Variants in KANK2 observed in about 807,000 individuals in gnomAD.
KANK2 encodes the protein KN motif and ankyrin repeat domain-containing protein 2.
KANK2 carries 41 observed loss-of-function variants against 74.6 expected under a neutral mutation model. The observed-to-expected ratio is 0.55, with a 90% CI of 0.43 to 0.71. The LOEUF is 0.71. KANK2 is among the 30% of genes least tolerant of loss of function. The pLI is 0.00. For synonymous variants in KANK2, 537 were observed against 519.0 expected, an observed-to-expected ratio of 1.03 and a Z score of -0.47; for missense variants, 1,148 against 1,196.4, an observed-to-expected ratio of 0.96 and a Z score of 0.60.
chr19:11,167,988 C>A (rs576941683), intron 12 of KANK2, among the ~76,000 whole-genome samples: 1 of 150,462 alleles, frequency 6.6e-6, no homozygotes, highest in African/African-American at 2.4e-5. Flanking sequence ...CCCCATCACT[C>A]GCCATCCCAC....
chr19:11,197,030 C>CA (rs1042561320), intron 1 of KANK2: 4 of 152,244 alleles, frequency 2.6e-5, no homozygotes, highest in African/African-American at 9.7e-5. Context: ...CCGGCCCAGC[C>CA]GCCAAGCCCA....
chr19:11,173,880 T>C (rs575101217), intron 9 of KANK2, among the ~76,000 whole-genome samples: 2 of 152,170 alleles, frequency 1.3e-5, no homozygotes, highest in Admixed American at 6.6e-5. Context: ...GAAGACAGCG[T>C]CTCCTCTATC....
In KANK2 at chr19:11,170,474, G is replaced by A. The variant is rs908297983; in HGVS notation, c.2212-226C>T. The A allele has an allele frequency of 6.7e-5, 39 of 583,150 alleles. No individual in the cohort carries two copies. The highest frequency in any genetic ancestry group is 9.1e-5 in the Admixed American group (3 of 32,882). 36.1% of individuals were successfully genotyped at this position (583,150 alleles called of 1,614,324 possible). A position where few individuals can be genotyped will look rare whatever the true frequency, so the allele number is the denominator to read the frequency against. ...GCCAGAGGCTGGGAGAAGCGGGGGC[G>A]GAGGAAATGATGGATACAGGTTTCC... On this transcript the variant is annotated intron_variant, in intron 10 of 12. Coordinates refer to ENST00000586659, the MANE Select transcript of KANK2 (RefSeq NM_001136191.3). This position sits in a 1 kb window ranked among gnomAD's most constrained non-coding sequence, Gnocchi z 5.2.
chr19:11,173,484 C>T (rs2078237160), intron 9 of KANK2, among the ~76,000 whole-genome samples: 3 of 152,140 alleles, frequency 2.0e-5, no homozygotes, highest in South Asian at 4.1e-4. Context: ...GGCTGTCTCC[C>T]CCAGTAGGAG....
At position 11,178,681 on chromosome 19, in the gene KANK2, G is replaced by C. The variant is rs372713779; in HGVS notation, c.1289C>G (p.Pro430Arg). 2.6e-6 allele frequency: 4 copies of C among 1,542,880 alleles called. No homozygotes were observed. In the African/African-American group the frequency reaches 5.7e-5, roughly 22 times the overall value. The stretch of plus-strand genomic sequence containing the variant: ...TGTAAGGGAGGCTACCTCGGACCCC[G>C]GGGGTGACGAAGACGATTCGGCAGG... ...EVPAESSSSP[P>R]GSEVASLTQP... Residue 430 changes from proline to arginine, a missense_variant, in exon 5 of 13, where the codon CCG (proline) becomes CGG (arginine). Physicochemically the swap from Pro to Arg is moderately radical, Grantham distance 103. Coordinates refer to ENST00000586659, the MANE Select transcript of KANK2 (RefSeq NM_001136191.3).
At position 11,190,817 on chromosome 19, in the gene KANK2, G is replaced by C. The variant is rs201673715; in HGVS notation, c.1249+2014C>G. Among the ~76,000 whole-genome samples the C allele has an allele frequency of 5.1e-4, 77 of 152,116 alleles. 1 individual carries two copies. In the East Asian group the frequency reaches 0.012, roughly 23 times the overall value. On this transcript the variant is annotated intron_variant, in intron 4 of 12. Transcript: ENST00000586659. ...ACAATCTCAGCTCACTGCAACCTCCGGCTCCCAAGTTCAAGCGATTCTTGT... is the reference window on the plus strand; with the variant it reads ...ACAATCTCAGCTCACTGCAACCTCCCGCTCCCAAGTTCAAGCGATTCTTGT...
chr19:11,174,104 C>T (rs966627403), intron 9 of KANK2, among the ~76,000 whole-genome samples: 4 of 149,942 alleles, frequency 2.7e-5, no homozygotes, highest in Middle Eastern at 3.3e-3. Flanking sequence ...AGGAGGGCCA[C>T]ATCCCCACCA....
intron 4 of KANK2, among the ~76,000 whole-genome samples, chr19:11,187,673 G>T (rs192851081): frequency 6.6e-6 from 1 of 152,198 alleles, no homozygotes; most frequent in Non-Finnish European, 1.5e-5. Flanking sequence ...AGCCACGTTC[G>T]TTCATTTCCA....
Position 11,194,586 on chromosome 19 carries a change from CT to C in KANK2, c.-76del. 1.6e-6 allele frequency: 2 copies of C among 1,245,976 alleles called. No individual in the cohort carries two copies. The allele number at this position is 1,245,976 out of a possible 1,614,324, so 77.2% of individuals were successfully genotyped here. ...AGACTGCCTGCAGCACCGGCTGAGG[CT>C]TACCTGGGGAAAGAGAACCACGGCG... On this transcript the variant is annotated 5_prime_UTR_variant, in exon 3 of 13. Transcript: ENST00000586659.
chr19:11,185,179 G>C (rs1338937899), intron 4 of KANK2, among the ~76,000 whole-genome samples: 3 of 147,876 alleles, frequency 2.0e-5, no homozygotes, highest in Admixed American at 6.9e-5. Context: ...CAGCACTTTG[G>C]GGGGCCGAGG....
In KANK2 at chr19:11,193,885, C is replaced by T; in HGVS notation, c.195G>A (p.Gln65=). 1.2e-6 allele frequency: 2 copies of T among 1,613,596 alleles called. No individual in the cohort carries two copies. The highest frequency in any genetic ancestry group is 1.7e-6 in the Non-Finnish European group (2 of 1,179,930). ...KGHTLRRVAV[Q]RRPRLSSLPR... ...GCAGCGAGCTCAGGCGGGGGCGGCG[C>T]TGCACTGCCACGCGTCGCAGCGTGT... Residue 65 remains glutamine, a synonymous_variant, in exon 4 of 13, where the codon CAG becomes CAA. Transcript: ENST00000586659. The surrounding 1 kb of genome is among the most constrained non-coding windows in gnomAD (Gnocchi z 9.6).
At chr19:11,176,468 G>C in intron 7 of KANK2, 110 bp downstream of exon 7, 1 of 1,224,664 alleles carries the variant, frequency 8.2e-7, no homozygotes, top group Non-Finnish European at 1.1e-6. Flanking sequence ...TCAGACTAAA[G>C]TGTGCATGAC....
chr19:11,178,188 C>A (rs919153478), intron 6 of KANK2, among the ~76,000 whole-genome samples, 157 bp downstream of exon 6: 20 of 152,168 alleles, frequency 1.3e-4, no homozygotes, highest in Non-Finnish European at 1.2e-4. Context: ...GCTTAGCCTT[C>A]CTATGCCTCA....
rs1289296177 is a variant in KANK2 at position 11,166,020 on chromosome 19, A to G, written c.*538T>C. On this transcript the variant is annotated 3_prime_UTR_variant, in exon 13 of 13. Coordinates refer to ENST00000586659, the MANE Select transcript of KANK2 (RefSeq NM_001136191.3). Reference sequence around the variant, plus strand: ...GAAAATTCCCCTAAGAAAGCCGTCTAGCGGGGCAGTGGACACAACACTATT... The same window carrying G: ...GAAAATTCCCCTAAGAAAGCCGTCTGGCGGGGCAGTGGACACAACACTATT... The G allele has an allele frequency of 2.6e-5, 4 of 152,774 alleles. No individual in the cohort carries two copies. The highest frequency in any genetic ancestry group is 4.4e-5 in the Non-Finnish European group (3 of 68,224). 9.5% of individuals were successfully genotyped at this position (152,774 alleles called of 1,614,324 possible).
Position 11,174,563 on chromosome 19 carries a change from C to T in KANK2, c.1978G>A (p.Val660Ile). 1 of 1,613,592 alleles carries T rather than the reference C, an allele frequency of 6.2e-7. No homozygotes were observed. Among genetic ancestry groups the T allele is most frequent in the Non-Finnish European group, 8.5e-7 (1 of 1,179,882 alleles). The change falls in exon 9 of 13, where the codon GTC becomes ATC. Residue 660 changes from valine (V) to isoleucine (I), a missense_variant. Coordinates refer to ENST00000586659, the MANE Select transcript of KANK2 (RefSeq NM_001136191.3). The part of the protein sequence containing the change: ...AMSARLLDYV[V>I]NIADSNGNTA... ...TTGCCGTTGCTGTCGGCGATGTTGA[C>T]CACGTAGTCCAGCAGCCGCGCAGAC...
chr19:11,194,203 C>T (rs1432412664), intron 3 of KANK2, among the ~76,000 whole-genome samples, 161 bp from the exon 4 acceptor site: 1 of 152,090 alleles, frequency 6.6e-6, no homozygotes, highest in East Asian at 1.9e-4. Flanking sequence ...CAGGGCTATG[C>T]CTCCCCTTCA....
chr19:11,166,916 G>A (rs2078038749), intron 12 of KANK2, among the ~76,000 whole-genome samples: 1 of 152,164 alleles, frequency 6.6e-6, no homozygotes, highest in Non-Finnish European at 1.5e-5. Context: ...AGCATTCCAG[G>A]CAGCGGAAAC....
At chr19:11,180,147 A>G (rs1227657071) in intron 4 of KANK2, among the ~76,000 whole-genome samples, 2 of 152,202 alleles carry the variant, frequency 1.3e-5, no homozygotes, top group Non-Finnish European at 2.9e-5. Flanking sequence ...AGCACCGCCC[A>G]GCCCATGCAT....
At chr19:11,187,693 C>G (rs111279811) in intron 4 of KANK2, among the ~76,000 whole-genome samples, 1 of 152,188 alleles carries the variant, frequency 6.6e-6, no homozygotes, top group Non-Finnish European at 1.5e-5. Context: ...ATATTGTCTA[C>G]GGCTGCTTTT....
Sources: allele counts gnomAD v4.1 joint callset (sites outside exome capture counted in the v4.1 genomes callset), GRCh38; gene constraint gnomAD v4.1.1; non-coding constraint Gnocchi (gnomAD v3.1); transcripts MANE v1.5; gene names NCBI Gene and HGNC (gene_info 2026-07-23, HGNC 2026-07-21).